SMAP2: variants seen among roughly 807,000 people sequenced by gnomAD.
The protein encoded by SMAP2 is stromal membrane-associated protein 2.
SMAP2 carries 25 observed loss-of-function variants against 56.4 expected under a neutral mutation model. The observed-to-expected ratio is 0.44, with a 90% CI of 0.32 to 0.62. The LOEUF (loss-of-function observed/expected upper bound fraction) is 0.62. Among genes scored for constraint, SMAP2 ranks in the 20% least tolerant of loss-of-function variants. SMAP2 has a pLI of 0.04. For synonymous variants in SMAP2, 157 were observed against 181.7 expected, an observed-to-expected ratio of 0.86 and a Z score of 1.09; for missense variants, 388 against 545.6, an observed-to-expected ratio of 0.71 and a Z score of 2.88.
intron 7 of SMAP2, among the ~76,000 whole-genome samples, chr1:40,415,955 G>A (rs12740376): frequency 0.086 from 13,137 of 152,188 alleles, 648 homozygotes; most frequent in East Asian, 0.16. Context: ...TTGTTTGTTT[G>A]TTCCTACCAA....
intron 9 of SMAP2, among the ~76,000 whole-genome samples, chr1:40,417,597 C>T (rs997432452): frequency 3.3e-4 from 50 of 152,218 alleles, no homozygotes; most frequent in African/African-American, 1.2e-3. Flanking sequence ...CAAAGACATA[C>T]TGAGAACAGG....
upstream of SMAP2, chr1:40,373,560 A>AC (rs1377167586): frequency 6.5e-6 from 1 of 153,338 alleles, no homozygotes; most frequent in Non-Finnish European, 1.5e-5. Context: ...GGGCGTGCCC[A>AC]CCCCTTCCCT....
chr1:40,394,359 A>AC (rs1386293729), intron 1 of SMAP2, among the ~76,000 whole-genome samples: 1 of 152,158 alleles, frequency 6.6e-6, no homozygotes, highest in Non-Finnish European at 1.5e-5. Context: ...ACGGGGATCC[A>AC]CTTTTGCTCT....
At chr1:40,376,939 T>C (rs1644546380) in intron 1 of SMAP2, among the ~76,000 whole-genome samples, 1 of 152,210 alleles carries the variant, frequency 6.6e-6, no homozygotes, top group Non-Finnish European at 1.5e-5. Flanking sequence ...TTTTAAATTC[T>C]TATACTTATT....
chr1:40,397,792 G>A (rs1644787111), intron 1 of SMAP2, among the ~76,000 whole-genome samples: 1 of 152,124 alleles, frequency 6.6e-6, no homozygotes, highest in South Asian at 2.1e-4. Context: ...TAGCAATAGA[G>A]AAAGTTAGGG....
Position 40,404,129 on chromosome 1 carries a change from C to T in SMAP2, c.104-2607C>T, listed in dbSNP as rs143883536. On this transcript the variant is annotated intron_variant, in intron 1 of 9. Transcript: ENST00000372718. The stretch of plus-strand genomic sequence containing the variant: ...GAATAAAATGAAATAAAAGTAACTA[C>T]ACCATTTCCCCATGTTTTCAGCCAT... Among the ~76,000 whole-genome samples, 25 of 152,264 alleles carry T rather than the reference C, an allele frequency of 1.6e-4. 1 individual carries two copies. The highest frequency in any genetic ancestry group is 5.8e-4 in the East Asian group (3 of 5,184).
intron 1 of SMAP2, among the ~76,000 whole-genome samples, chr1:40,352,936 C>G (rs1644415010): frequency 6.6e-6 from 1 of 152,144 alleles, no homozygotes; most frequent in Non-Finnish European, 1.5e-5. Context: ...CTGGGTACTC[C>G]CATCTGAAGA....
In SMAP2 at chr1:40,408,227, C is replaced by T. The variant is rs922749686; in HGVS notation, c.238-426C>T. 2.6e-5 allele frequency among the ~76,000 whole-genome samples: 4 copies of T among 152,204 alleles called. No homozygotes were observed. Among genetic ancestry groups the T allele is most frequent in the Non-Finnish European group, 4.4e-5 (3 of 68,040 alleles). On this transcript the variant is annotated intron_variant, in intron 2 of 9. Transcript: ENST00000372718. This position sits in a 1 kb window ranked among gnomAD's most constrained non-coding sequence, Gnocchi z 4.3. The stretch of plus-strand genomic sequence containing the variant: ...AAAAGCTCTTGGGATTTATCCCTCA[C>T]AAGTGTTAAGGAGTCTACTTAAAAG...
At chr1:40,372,740 T>C (rs1273083260), upstream of SMAP2, among the ~76,000 whole-genome samples, 1 of 152,238 alleles carries the variant, frequency 6.6e-6, no homozygotes, top group Non-Finnish European at 1.5e-5. Context: ...TCTTAGCATC[T>C]GCTTACTATC....
intron 1 of SMAP2, among the ~76,000 whole-genome samples, chr1:40,388,279 A>T (rs1569862991): frequency 6.6e-6 from 1 of 152,364 alleles, no homozygotes; most frequent in Non-Finnish European, 1.5e-5. Flanking sequence ...CTGCAGCCCC[A>T]GTGCGAGATC....
chr1:40,387,937 G>T (rs940473467), intron 1 of SMAP2, among the ~76,000 whole-genome samples: 1 of 152,034 alleles, frequency 6.6e-6, no homozygotes, highest in Non-Finnish European at 1.5e-5. Flanking sequence ...GGCGGGCCCC[G>T]CACTTGGAGC....
rs1467381118 is a variant in SMAP2 at position 40,374,865 on chromosome 1, T to C, written c.103+642T>C. 2.0e-6 allele frequency: 2 copies of C among 985,300 alleles called. No homozygotes were observed. The highest frequency in any genetic ancestry group is 3.5e-5 in the African/African-American group (2 of 57,226). 61.0% of individuals were successfully genotyped at this position (985,300 alleles called of 1,614,324 possible). Reference sequence around the variant, plus strand: ...ACACAGTGCGGATTTCTAGGCAGTGTAGCCCTGGCTTGTAGAGTGCGTTGG... The same window carrying C: ...ACACAGTGCGGATTTCTAGGCAGTGCAGCCCTGGCTTGTAGAGTGCGTTGG... On this transcript the variant is annotated intron_variant, in intron 1 of 9. Coordinates refer to ENST00000372718, the MANE Select transcript of SMAP2 (RefSeq NM_022733.3). The surrounding 1 kb of genome is among the most constrained non-coding windows in gnomAD (Gnocchi z 5.9).
chr1:40,412,939 G>A (rs1334316558), intron 4 of SMAP2, 77 bp from the exon 5 acceptor site: 8 of 1,140,524 alleles, frequency 7.0e-6, no homozygotes, highest in African/African-American at 1.6e-5. Flanking sequence ...TGTCCTTTTC[G>A]GACACTTGGA....
chr1:40,345,843 TTTCTC>T (rs1490787644), intron 1 of SMAP2, among the ~76,000 whole-genome samples: 1 of 143,564 alleles, frequency 7.0e-6, no homozygotes, highest in Non-Finnish European at 1.5e-5. Flanking sequence ...GTTTCTTTCT[TTTCTC>T]TTATATATTA....
At chr1:40,353,781 G>A (rs1258759705) in intron 1 of SMAP2, among the ~76,000 whole-genome samples, 1 of 151,576 alleles carries the variant, frequency 6.6e-6, no homozygotes, top group African/African-American at 2.4e-5. Context: ...TAACAGACAA[G>A]TATCTTGCTA....
chr1:40,382,075 A>G (rs543137308), intron 1 of SMAP2, among the ~76,000 whole-genome samples: 1 of 152,258 alleles, frequency 6.6e-6, no homozygotes, highest in Admixed American at 6.5e-5. Flanking sequence ...CTCAGTATAT[A>G]TACTTTTCAG....
rs139975994 is a variant in SMAP2, at chr1:40,392,836, A to T, written c.104-13900A>T. Among the ~76,000 whole-genome samples the T allele has an allele frequency of 2.9e-4, 44 of 152,310 alleles. No homozygotes were observed. The East Asian group carries it at 8.1e-3, about 28-fold the overall frequency. On this transcript the variant is annotated intron_variant, in intron 1 of 9. Coordinates refer to ENST00000372718, the MANE Select transcript of SMAP2 (RefSeq NM_022733.3). ...TAAATTAGGCCGGGCTCAGTGGCTCATGCCTGTAATCGCAGCACGTTGGGA... is the reference window on the plus strand; with the variant it reads ...TAAATTAGGCCGGGCTCAGTGGCTCTTGCCTGTAATCGCAGCACGTTGGGA...
At chr1:40,377,750 A>G (rs1644554468) in intron 1 of SMAP2, among the ~76,000 whole-genome samples, 1 of 152,144 alleles carries the variant, frequency 6.6e-6, no homozygotes, top group African/African-American at 2.4e-5. Flanking sequence ...TCCAGATTTT[A>G]TCAGTGTGTC....
At chr1:40,358,697 C>A (rs1362467247) in intron 1 of SMAP2, among the ~76,000 whole-genome samples, 4 of 152,168 alleles carry the variant, frequency 2.6e-5, no homozygotes, top group Admixed American at 2.0e-4. Flanking sequence ...AATATGTATT[C>A]CGCAGCTGTT....
Sources: gnomAD v4.1 joint callset for allele counts (sites outside exome capture counted in the v4.1 genomes callset) on GRCh38, gnomAD v4.1.1 for gene constraint, Gnocchi (gnomAD v3.1) non-coding constraint, MANE v1.5 for transcripts, NCBI Gene and HGNC (gene_info 2026-07-23, HGNC 2026-07-21) for gene names.